The following BIN1 variants were observed in gnomAD, a reference collection of about 807,000 sequenced individuals.
BIN1 encodes myc box-dependent-interacting protein 1.
A neutral mutation model predicts 82.0 loss-of-function variants in BIN1; 53 were observed. That is an observed-to-expected ratio of 0.65 (90% CI 0.52 to 0.81). The LOEUF is 0.81. Ranked by LOEUF, BIN1 falls within the 40% of genes least tolerant of loss-of-function variation. The pLI, the probability that BIN1 is intolerant of heterozygous loss-of-function variation, is 0.00. For synonymous variants in BIN1, 302 were observed against 328.0 expected (o/e 0.92, Z 0.86); for missense variants, 642 against 784.4 (o/e 0.82, Z 2.17).
intron 14 of BIN1, 197 bp from the exon 15 acceptor site, chr2:127,052,559 T>A: frequency 1.7e-6 from 1 of 600,048 alleles, no homozygotes; most frequent in Non-Finnish European, 3.0e-6. Context: ...GACAGGCAGG[T>A]GTGACTGTGC....
intron 1 of BIN1, among the ~76,000 whole-genome samples, chr2:127,099,835 G>A (rs1188744590): frequency 6.9e-6 from 1 of 144,752 alleles, no homozygotes; most frequent in Non-Finnish European, 1.5e-5. Flanking sequence ...ACGGAGTCTC[G>A]CTCTGTCGCC....
intron 1 of BIN1, among the ~76,000 whole-genome samples, chr2:127,094,873 C>G (rs908368787): frequency 6.6e-6 from 1 of 152,162 alleles, no homozygotes; most frequent in Non-Finnish European, 1.5e-5. Flanking sequence ...TGGTGCTGCC[C>G]CGAATGCCCT....
chr2:127,087,440 C>T (rs1468680264), intron 1 of BIN1, among the ~76,000 whole-genome samples: 1 of 152,234 alleles, frequency 6.6e-6, no homozygotes, highest in African/African-American at 2.4e-5. Context: ...TGTAGATAAG[C>T]CTATGGCCTG....
rs749766046 is a variant in BIN1 at position 127,068,226 on chromosome 2, G to C, written c.549C>G (p.Pro183=). 2 of 1,613,614 alleles carry C rather than the reference G, an allele frequency of 1.2e-6. No homozygotes were observed. The highest frequency in any genetic ancestry group is 2.2e-5 in the East Asian group (1 of 44,836). ...CCTGCAGTTTGCCTTGGCACCACTGGGGGGCGGCTTTCTCAAGCAGCGAGA... is the reference window on the plus strand; with the variant it reads ...CCTGCAGTTTGCCTTGGCACCACTGCGGGGCGGCTTTCTCAAGCAGCGAGA... ...KPVSLLEKAA[P]QWCQGKLQAH... The change falls in exon 7 of 19, where the codon CCC becomes CCG. Residue 183 remains proline, a synonymous_variant. Coordinates refer to ENST00000316724, the MANE Select transcript of BIN1 (RefSeq NM_139343.3). This position sits in a 1 kb window ranked among gnomAD's most constrained non-coding sequence, Gnocchi z 4.9.
intron 2 of BIN1, 137 bp from the exon 3 acceptor site, chr2:127,070,953 A>G: frequency 1.2e-6 from 1 of 829,970 alleles, no homozygotes. Context: ...ACCTCCCAAC[A>G]GGACAGCAGC....
At chr2:127,100,377 C>T (rs1680158613) in intron 1 of BIN1, among the ~76,000 whole-genome samples, 1 of 152,208 alleles carries the variant, frequency 6.6e-6, no homozygotes, top group Non-Finnish European at 1.5e-5. Flanking sequence ...CACTCCTTCA[C>T]CATCAGGGCT....
At chr2:127,105,404 AC>A (rs111244323) in intron 1 of BIN1, among the ~76,000 whole-genome samples, 1 of 147,858 alleles carries the variant, frequency 6.8e-6, no homozygotes, top group African/African-American at 2.5e-5. Flanking sequence ...CTGTGCTGCC[AC>A]CCCCCCACCC....
chr2:127,051,769 C>A (rs755986232), intron 15 of BIN1, among the ~76,000 whole-genome samples: 1 of 151,934 alleles, frequency 6.6e-6, no homozygotes, highest in Non-Finnish European at 1.5e-5. Flanking sequence ...CACCGCAGCA[C>A]GGGCACCGCA....
At chr2:127,100,751 G>T (rs1332342376) in intron 1 of BIN1, among the ~76,000 whole-genome samples, 5 of 152,122 alleles carry the variant, frequency 3.3e-5, no homozygotes, top group Non-Finnish European at 7.4e-5. Flanking sequence ...GCCTCTTTAG[G>T]AGGTGGCAGC....
At chr2:127,101,008 G>GGGGGGT (rs1420447028) in intron 1 of BIN1, among the ~76,000 whole-genome samples, 1 of 138,088 alleles carries the variant, frequency 7.2e-6, no homozygotes, top group African/African-American at 2.8e-5. Context: ...GCGGGGGGTG[G>GGGGGGT]GGATAGACTC....
intron 1 of BIN1, among the ~76,000 whole-genome samples, chr2:127,106,547 G>A (rs1291860767): frequency 6.6e-6 from 1 of 152,208 alleles, no homozygotes. Flanking sequence ...GGGGTAGCCT[G>A]GAGCGCGCGC....
At chr2:127,051,059 G>T in intron 16 of BIN1, 95 bp downstream of exon 16, 1 of 1,551,640 alleles carries the variant, frequency 6.4e-7, no homozygotes, top group Non-Finnish European at 8.9e-7. Flanking sequence ...CAGGAGCCAG[G>T]CCTGGACCAG....
At chr2:127,075,752 GCTGCCCCCCACCA>G (rs1686508341) in intron 2 of BIN1, among the ~76,000 whole-genome samples, 7 of 62,226 alleles carry the variant, frequency 1.1e-4, no homozygotes, top group African/African-American at 4.4e-4. Context: ...AGCCCTCCCA[GCTGCCCCCCACCA>G]CCCTCTCCCA....
At chr2:127,069,917 G>A (rs1390166624) in intron 5 of BIN1, 78 bp downstream of exon 5, 1 of 1,475,934 alleles carries the variant, frequency 6.8e-7, no homozygotes, top group East Asian at 2.4e-5. Flanking sequence ...CCTGGCCTGA[G>A]CCGCACGTCC....
In BIN1 at chr2:127,058,561, C is replaced by T. The variant is rs143727157; in HGVS notation, c.1002+450G>A. Among the ~76,000 whole-genome samples the T allele has an allele frequency of 8.0e-5, 12 of 149,918 alleles. No homozygotes were observed. The East Asian group carries it at 2.1e-3, about 27-fold the overall frequency. On this transcript the variant is annotated intron_variant, in intron 11 of 18. Coordinates refer to ENST00000316724, the MANE Select transcript of BIN1 (RefSeq NM_139343.3). Reference sequence around the variant, plus strand: ...ACCCTCCTCTGAGCCCTTCCTCTCTCTGTCCCTTTAAAGGTCCTGCATGGC... The same window carrying T: ...ACCCTCCTCTGAGCCCTTCCTCTCTTTGTCCCTTTAAAGGTCCTGCATGGC...
chr2:127,058,950 C>T lies in BIN1; in HGVS notation c.1002+61G>A, dbSNP rs1684067534. Reference sequence around the variant, plus strand: ...AGAGGAGTGGGAGGATGGAGGACAACAGCAAAGCCGGAGGAGAAGGAGGGA... The same window carrying T: ...AGAGGAGTGGGAGGATGGAGGACAATAGCAAAGCCGGAGGAGAAGGAGGGA... On this transcript the variant is annotated intron_variant, in intron 11 of 18. Transcript: ENST00000316724. 6 of 1,546,500 alleles carry T rather than the reference C, an allele frequency of 3.9e-6. 1 individual carries two copies. The East Asian group carries it at 1.2e-4, about 31-fold the overall frequency.
At chr2:127,058,092 G>A (rs1010785093) in intron 11 of BIN1, among the ~76,000 whole-genome samples, 2 of 152,282 alleles carry the variant, frequency 1.3e-5, no homozygotes, top group South Asian at 2.1e-4. Flanking sequence ...CAGCTCAGAC[G>A]AGTGTATCCC....
rs1372202195 is a variant in BIN1, at chr2:127,048,516, G to C, written c.*10C>G. ...TCTTCACACGCCCGGAGGCTGCCTGGGCCCCGCCGTCATGGGACCCTCTCA... is the reference window on the plus strand; with the variant it reads ...TCTTCACACGCCCGGAGGCTGCCTGCGCCCCGCCGTCATGGGACCCTCTCA... On this transcript the variant is annotated 3_prime_UTR_variant, in exon 19 of 19. Coordinates refer to ENST00000316724, the MANE Select transcript of BIN1 (RefSeq NM_139343.3). 1.9e-6 allele frequency: 3 copies of C among 1,613,368 alleles called. No homozygotes were observed. Among genetic ancestry groups the C allele is most frequent in the Non-Finnish European group, 1.7e-6 (2 of 1,179,690 alleles).
intron 5 of BIN1, 71 bp downstream of exon 5, chr2:127,069,924 G>A (rs1030716964): frequency 2.4e-5 from 37 of 1,517,866 alleles, no homozygotes; most frequent in South Asian, 1.6e-4. Context: ...TGAGCCGCAC[G>A]TCCTAGGCCC....
Sources: gnomAD v4.1 joint callset for allele counts (sites outside exome capture counted in the v4.1 genomes callset) on GRCh38, gnomAD v4.1.1 for gene constraint, Gnocchi (gnomAD v3.1) non-coding constraint, MANE v1.5 for transcripts, NCBI Gene and HGNC (gene_info 2026-07-23, HGNC 2026-07-21) for gene names.